PCTP: variants seen among roughly 807,000 people sequenced by gnomAD.
PCTP encodes the protein phosphatidylcholine transfer protein.
A neutral mutation model predicts 31.0 loss-of-function variants in PCTP; 27 were observed. The ratio of observed to expected loss-of-function variants is 0.87; its 90% CI spans 0.64 to 1.20. PCTP has a LOEUF of 1.20. Among genes scored for constraint, PCTP ranks in the 50% most tolerant of loss-of-function variants. The pLI is 0.00. For missense variants in PCTP, 287 were observed against 268.2 expected (o/e 1.07, Z -0.49); for synonymous variants, 108 against 101.2 (o/e 1.07, Z -0.40).
intron 2 of PCTP, among the ~76,000 whole-genome samples, chr17:55,768,324 A>G (rs1910800276): frequency 6.6e-6 from 1 of 151,960 alleles, no homozygotes; most frequent in African/African-American, 2.4e-5. Flanking sequence ...CCTCCCATGT[A>G]TCTAGGTTGT....
chr17:55,758,034 G>A lies in PCTP; in HGVS notation c.141+6790G>A, dbSNP rs899220140. On this transcript the variant is annotated intron_variant, in intron 1 of 5. Transcript: ENST00000268896. Reference sequence around the variant, plus strand: ...GGTCACTTAGAAAAGCTCTTCCAGTGATCTGCAAGTCAGGCCCTTGCAGGA... The same window carrying A: ...GGTCACTTAGAAAAGCTCTTCCAGTAATCTGCAAGTCAGGCCCTTGCAGGA... 7.2e-5 allele frequency among the ~76,000 whole-genome samples: 11 copies of A among 152,286 alleles called. No homozygotes were observed. The South Asian group carries it at 1.9e-3, about 26-fold the overall frequency.
intron 1 of PCTP, among the ~76,000 whole-genome samples, chr17:55,751,749 G>C (rs1401602216): frequency 6.6e-6 from 1 of 152,110 alleles, no homozygotes; most frequent in Admixed American, 6.5e-5. Context: ...CGTTTCTTTT[G>C]GTTGTTGCCC....
Position 55,769,181 on chromosome 17 carries a change from AC to A in PCTP, c.259+1733del, listed in dbSNP as rs1455024703. The A allele has an allele frequency of 7.2e-5, 11 of 152,328 alleles. No individual in the cohort carries two copies. In the East Asian group the frequency reaches 2.1e-3, roughly 29 times the overall value. The allele number at this position is 152,328 out of a possible 1,614,324, so 9.4% of individuals were successfully genotyped here. A position where few individuals can be genotyped will look rare whatever the true frequency, so the allele number is the denominator to read the frequency against. ...GATTTATATTCTAACCATATGAATA[AC>A]CCCAGAGGAAGGAGAATTCTACTTT... On this transcript the variant is annotated intron_variant, in intron 2 of 5. Transcript: ENST00000268896.
downstream of PCTP, among the ~76,000 whole-genome samples, chr17:55,779,773 C>T (rs1211492813): frequency 6.6e-6 from 1 of 152,170 alleles, no homozygotes; most frequent in Non-Finnish European, 1.5e-5. Flanking sequence ...TACTTTGAAT[C>T]CTCTCCATTG....
chr17:55,828,612 T>A (rs1905483680), intron 5 of PCTP, among the ~76,000 whole-genome samples: 1 of 152,146 alleles, frequency 6.6e-6, no homozygotes, highest in Non-Finnish European at 1.5e-5. Flanking sequence ...CCAGGTAAAG[T>A]CACATTCACA....
At chr17:55,770,458 T>C (rs1910920560) in intron 2 of PCTP, 1 of 152,230 alleles carries the variant, frequency 6.6e-6, no homozygotes, top group Non-Finnish European at 1.5e-5. Context: ...TCTAGTGACA[T>C]CTGGTGGTTA....
intron 3 of PCTP, among the ~76,000 whole-genome samples, chr17:55,811,843 T>G (rs950748484): frequency 5.3e-5 from 8 of 152,354 alleles, no homozygotes; most frequent in African/African-American, 1.2e-4. Context: ...TGGTTTTTGC[T>G]GGAAGTGACC....
chr17:55,838,851 C>T (rs902478943), intron 5 of PCTP, among the ~76,000 whole-genome samples: 1 of 152,170 alleles, frequency 6.6e-6, no homozygotes, highest in African/African-American at 2.4e-5. Context: ...TTTAACCTAT[C>T]CAGTATTAAA....
At chr17:55,803,463 T>C (rs1912458791) in intron 3 of PCTP, among the ~76,000 whole-genome samples, 1 of 152,174 alleles carries the variant, frequency 6.6e-6, no homozygotes, top group Non-Finnish European at 1.5e-5. Context: ...CAAACTATAC[T>C]ACAAGACTAC....
intron 1 of PCTP, among the ~76,000 whole-genome samples, chr17:55,760,602 A>G (rs1014870759): frequency 2.0e-5 from 3 of 152,238 alleles, no homozygotes; most frequent in African/African-American, 7.2e-5. Context: ...TTGGAATAGT[A>G]TATGGAAAAA....
rs919019484 is a variant in PCTP at position 55,773,756 on chromosome 17, C to T, written c.372C>T (p.Asp124=). 6.8e-6 allele frequency: 11 copies of T among 1,613,718 alleles called. No homozygotes were observed. Among genetic ancestry groups the T allele is most frequent in the Admixed American group, 1.7e-5 (1 of 59,988 alleles). The change falls in exon 4 of 6, where the codon GAC becomes GAT. Residue 124 remains aspartate, a synonymous_variant. Transcript: ENST00000268896. The stretch of plus-strand genomic sequence containing the variant: ...ACCTTCGGCAGCGGCGAGACCTGGA[C>T]ATGGAAGGGAGGAAGATCCATGTGA... The part of the protein sequence containing the change: ...YVYLRQRRDL[D]MEGRKIHVIL...
At chr17:55,765,627 A>G (rs1047895679) in intron 1 of PCTP, among the ~76,000 whole-genome samples, 1 of 152,258 alleles carries the variant, frequency 6.6e-6, no homozygotes, top group Admixed American at 6.5e-5. Context: ...CTGATGATCT[A>G]TTTTCTACCA....
At chr17:55,844,804 T>C (rs1176107675), downstream of PCTP, among the ~76,000 whole-genome samples, 2 of 151,988 alleles carry the variant, frequency 1.3e-5, no homozygotes, top group African/African-American at 4.8e-5. Flanking sequence ...AATAACAATA[T>C]ATAGACCAGG....
In PCTP at chr17:55,757,474, ACG is replaced by A. The variant is rs1910101103; in HGVS notation, c.141+6231_141+6232del. Among the ~76,000 whole-genome samples the A allele has an allele frequency of 2.9e-5, 4 of 136,478 alleles. No individual in the cohort carries two copies. In the East Asian group the frequency reaches 6.7e-4, roughly 23 times the overall value. The allele number at this position is 136,478 out of a possible 152,430, so 89.5% of individuals were successfully genotyped here. On this transcript the variant is annotated intron_variant, in intron 1 of 5. Coordinates refer to ENST00000268896, the MANE Select transcript of PCTP (RefSeq NM_021213.4). ...CACACACACACACACACACACACAC[ACG>A]TATGTATATATATATGTGGAAAATA...
chr17:55,780,246 A>G (rs1180684706), downstream of PCTP, among the ~76,000 whole-genome samples: 1 of 152,202 alleles, frequency 6.6e-6, no homozygotes, highest in Non-Finnish European at 1.5e-5. Flanking sequence ...CTCTTTGGAT[A>G]CACATAATAG....
chr17:55,753,750 C>G (rs1232252323), intron 1 of PCTP, among the ~76,000 whole-genome samples: 1 of 152,210 alleles, frequency 6.6e-6, no homozygotes, highest in Non-Finnish European at 1.5e-5. Context: ...GTGCCATCTT[C>G]CCTGTATACA....
intron 3 of PCTP, among the ~76,000 whole-genome samples, chr17:55,813,019 A>G (rs908062641): frequency 1.3e-5 from 2 of 152,146 alleles, no homozygotes; most frequent in African/African-American, 4.8e-5. Flanking sequence ...AGAGTGATTG[A>G]GAACAGAACT....
chr17:55,765,077 G>A (rs1244729888), intron 1 of PCTP, among the ~76,000 whole-genome samples: 1 of 152,064 alleles, frequency 6.6e-6, no homozygotes, highest in East Asian at 1.9e-4. Context: ...AATCTAGAAA[G>A]GCCTTTTCCC....
chr17:55,798,951 T>A (rs1226457749), intron 3 of PCTP, among the ~76,000 whole-genome samples: 1 of 151,858 alleles, frequency 6.6e-6, no homozygotes, highest in Non-Finnish European at 1.5e-5. Context: ...ATTTTTTAAT[T>A]GTTTGCATTG....
Sources: gnomAD v4.1 joint callset for allele counts (sites outside exome capture counted in the v4.1 genomes callset) on GRCh38, gnomAD v4.1.1 for gene constraint, MANE v1.5 for transcripts, NCBI Gene and HGNC (gene_info 2026-07-23, HGNC 2026-07-21) for gene names.